The following MIPOL1 variants were observed in gnomAD, a reference collection of about 807,000 sequenced individuals.
MIPOL1 encodes the protein mirror-image polydactyly 1, also known as mirror-image polydactyly gene 1 protein.
MIPOL1 carries 57 observed loss-of-function variants against 60.9 expected under a neutral mutation model. The observed-to-expected ratio is 0.94, with a 90% CI of 0.76 to 1.17. The LOEUF is 1.17. Among genes scored for constraint, MIPOL1 ranks in the 50% most tolerant of loss-of-function variants. The pLI is 0.00. For synonymous variants in MIPOL1, 179 were observed against 168.8 expected (o/e 1.06, Z -0.47); for missense variants, 551 against 511.6 (o/e 1.08, Z -0.74).
rs578231676 is a variant in MIPOL1 at position 37,323,304 on chromosome 14, C to G, written c.828+14785C>G. Among the ~76,000 whole-genome samples the G allele has an allele frequency of 1.2e-3, 186 of 152,140 alleles. 1 individual carries two copies. The highest frequency in any genetic ancestry group is 4.2e-3 in the African/African-American group (176 of 41,522). On this transcript the variant is annotated intron_variant, in intron 9 of 12. Coordinates refer to ENST00000684589, the MANE Select transcript of MIPOL1 (RefSeq NM_001388067.1). The stretch of plus-strand genomic sequence containing the variant: ...TGGTTGTAGATGTATGGTGTTATTT[C>G]TGAGGCCTCTGTTATGTTCCATTGG...
intron 1 of MIPOL1, among the ~76,000 whole-genome samples, chr14:37,227,314 A>G (rs1232557034): frequency 6.6e-6 from 1 of 152,168 alleles, no homozygotes; most frequent in Non-Finnish European, 1.5e-5. Flanking sequence ...ATCAATTAAC[A>G]CTGTATAGTC....
At chr14:37,449,764 C>T (rs1177379994) in intron 11 of MIPOL1, among the ~76,000 whole-genome samples, 2 of 151,856 alleles carry the variant, frequency 1.3e-5, no homozygotes, top group Non-Finnish European at 2.9e-5. Flanking sequence ...TTTTGTTTAT[C>T]CTGCCTTAAA....
intron 10 of MIPOL1, among the ~76,000 whole-genome samples, chr14:37,398,250 G>A (rs1262244095): frequency 3.3e-5 from 5 of 152,156 alleles, no homozygotes; most frequent in African/African-American, 4.8e-5. Flanking sequence ...CTAGGGGCAC[G>A]GTGGTGGTTG....
chr14:37,385,631 AT>A (rs2093044920), intron 10 of MIPOL1: 1 of 151,986 alleles, frequency 6.6e-6, no homozygotes, highest in African/African-American at 2.4e-5. Context: ...TATTTTATAC[AT>A]TTTATCCCTA....
intron 12 of MIPOL1, among the ~76,000 whole-genome samples, chr14:37,521,912 TTTTTTTTTC>T (rs2095416723): frequency 4.8e-5 from 1 of 20,646 alleles, no homozygotes; most frequent in African/African-American, 2.5e-4. Flanking sequence ...ATATATATAT[TTTTTTTTTC>T]TTTGGCTTCA....
chr14:37,455,204 A>G (rs1443795930), intron 11 of MIPOL1, among the ~76,000 whole-genome samples: 1 of 152,238 alleles, frequency 6.6e-6, no homozygotes, highest in Non-Finnish European at 1.5e-5. Context: ...ACTATGAGTC[A>G]ACAAATTGCA....
chr14:37,545,498 T>G lies in MIPOL1; in HGVS notation c.1263-1407T>G, dbSNP rs140440064. ...CAGGTATTTGTACCACTAGACTGTT[T>G]TAGTGGATATACAACATTTATGTAT... On this transcript the variant is annotated intron_variant, in intron 12 of 12. Coordinates refer to ENST00000684589, the MANE Select transcript of MIPOL1 (RefSeq NM_001388067.1). 5.9e-5 allele frequency among the ~76,000 whole-genome samples: 9 copies of G among 152,346 alleles called. No individual in the cohort carries two copies. The East Asian group carries it at 1.5e-3, about 26-fold the overall frequency.
At chr14:37,288,105 G>A (rs2084735532) in intron 7 of MIPOL1, among the ~76,000 whole-genome samples, 1 of 152,114 alleles carries the variant, frequency 6.6e-6, no homozygotes. Context: ...ACTTCTATTA[G>A]CAGGAGTTAA....
chr14:37,220,927 C>T lies in MIPOL1; in HGVS notation c.-199+22823C>T, dbSNP rs550496778. Among the ~76,000 whole-genome samples, 4 of 152,270 alleles carry T rather than the reference C, an allele frequency of 2.6e-5. No individual in the cohort carries two copies. The South Asian group carries it at 8.3e-4, about 32-fold the overall frequency. On this transcript the variant is annotated intron_variant, in intron 1 of 12. Transcript: ENST00000684589. ...AGTAGCTAGGAATACAGGTGTGCACCACCACGCCCAGCTAATTGTTTTAAA... is the reference window on the plus strand; with the variant it reads ...AGTAGCTAGGAATACAGGTGTGCACTACCACGCCCAGCTAATTGTTTTAAA...
At chr14:37,314,932 G>C (rs966499503) in intron 9 of MIPOL1, among the ~76,000 whole-genome samples, 1 of 152,122 alleles carries the variant, frequency 6.6e-6, no homozygotes, top group Admixed American at 6.6e-5. Context: ...TATGTGCTGT[G>C]TGTTGGGAAC....
chr14:37,539,529 G>C (rs1241717310), intron 12 of MIPOL1, among the ~76,000 whole-genome samples: 2 of 152,076 alleles, frequency 1.3e-5, no homozygotes, highest in African/African-American at 2.4e-5. Context: ...TGTTGTATAG[G>C]ACTCTATGTT....
intron 9 of MIPOL1, among the ~76,000 whole-genome samples, chr14:37,360,615 A>G (rs919422773): frequency 1.3e-5 from 2 of 152,060 alleles, no homozygotes; most frequent in African/African-American, 2.4e-5. Context: ...AGAGGTTTTT[A>G]TAGTATTCTC....
intron 10 of MIPOL1, among the ~76,000 whole-genome samples, chr14:37,392,057 T>G (rs1271025035): frequency 4.0e-5 from 6 of 150,892 alleles, no homozygotes; most frequent in African/African-American, 1.5e-4. Context: ...TCCAATTTTG[T>G]TTTTTTTCAG....
At chr14:37,521,519 C>A (rs2095412821) in intron 12 of MIPOL1, among the ~76,000 whole-genome samples, 1 of 152,042 alleles carries the variant, frequency 6.6e-6, no homozygotes, top group Non-Finnish European at 1.5e-5. Context: ...TGTATTTCAA[C>A]ATCCATATAC....
chr14:37,222,021 T>C (rs1228583790), intron 1 of MIPOL1, among the ~76,000 whole-genome samples: 1 of 152,048 alleles, frequency 6.6e-6, no homozygotes, highest in Non-Finnish European at 1.5e-5. Context: ...ACAAATCAGA[T>C]ACAGTTGAAA....
chr14:37,288,454 G>T (rs1169496004), intron 7 of MIPOL1, among the ~76,000 whole-genome samples: 1 of 152,084 alleles, frequency 6.6e-6, no homozygotes, highest in Non-Finnish European at 1.5e-5. Flanking sequence ...ATAGTGTCTG[G>T]TATGGCATTA....
At chr14:37,469,381 C>A (rs2094646420) in intron 11 of MIPOL1, among the ~76,000 whole-genome samples, 1 of 152,064 alleles carries the variant, frequency 6.6e-6, no homozygotes, top group African/African-American at 2.4e-5. Flanking sequence ...AACTCACTCA[C>A]TATCACAAGA....
intron 1 of MIPOL1, among the ~76,000 whole-genome samples, chr14:37,209,227 C>T (rs1245767092): frequency 1.3e-5 from 2 of 152,122 alleles, no homozygotes; most frequent in Non-Finnish European, 2.9e-5. Context: ...TTTGATTAAT[C>T]TGTGCATAGA....
intron 7 of MIPOL1, among the ~76,000 whole-genome samples, chr14:37,307,570 T>A (rs918651666): frequency 6.6e-6 from 1 of 152,040 alleles, no homozygotes; most frequent in East Asian, 1.9e-4. Context: ...TAATAACAAA[T>A]AGGTAACAGC....
Sources: gnomAD v4.1 joint callset for allele counts (sites outside exome capture counted in the v4.1 genomes callset) on GRCh38, gnomAD v4.1.1 for gene constraint, MANE v1.5 for transcripts, NCBI Gene and HGNC (gene_info 2026-07-23, HGNC 2026-07-21) for gene names.